Variants in CALM3 observed in about 807,000 individuals in gnomAD.
CALM3 encodes calmodulin 3, also known as calmodulin-3.
In CALM3, 5 loss-of-function variants were observed where a neutral mutation model predicts 20.1. The ratio of observed to expected loss-of-function variants is 0.25; its 90% confidence interval spans 0.13 to 0.52. The LOEUF (loss-of-function observed/expected upper bound fraction) is 0.52, where lower values mean the gene tolerates loss of function less well. Among genes scored for constraint, CALM3 ranks in the 20% least tolerant of loss-of-function variants. CALM3 has a pLI of 0.96. For synonymous variants in CALM3, 69 were observed against 68.1 expected, an observed-to-expected ratio of 1.01 and a Z score of -0.06; for missense variants, 57 against 192.8, an observed-to-expected ratio of 0.30 and a Z score of 4.17.
rs370333318 is a variant in CALM3, at chr19:46,605,810, C to G, written c.4-17C>G. On this transcript the variant is annotated splice_polypyrimidine_tract_variant and intron_variant, in intron 1 of 5. Coordinates refer to ENST00000291295, the MANE Select transcript of CALM3 (RefSeq NM_005184.4). This position sits in a 1 kb window ranked among gnomAD's most constrained non-coding sequence, Gnocchi z 4.1. ...TGTCCGGCCTGGTGACTGACTTTCC[C>G]CTTCATGCTTTTACAGGCTGACCAG... 1.9e-6 allele frequency: 3 copies of G among 1,613,996 alleles called. No individual in the cohort carries two copies. The highest frequency in any genetic ancestry group is 1.7e-5 in the Admixed American group (1 of 60,022).
chr19:46,605,688 C>A lies in CALM3; in HGVS notation c.4-139C>A. The A allele has an allele frequency of 1.3e-6, 1 of 744,608 alleles. No homozygotes were observed. 46.1% of individuals were successfully genotyped at this position (744,608 alleles called of 1,614,324 possible). A position where few individuals can be genotyped will look rare whatever the true frequency, so the allele number is the denominator to read the frequency against. ...GCGCTGGCTCTGCCTCAGACCCTGACTCTGGCATGCTCCTCCCTGGCCCGG... is the reference window on the plus strand; with the variant it reads ...GCGCTGGCTCTGCCTCAGACCCTGAATCTGGCATGCTCCTCCCTGGCCCGG... On this transcript the variant is annotated intron_variant, in intron 1 of 5. Coordinates refer to ENST00000291295, the MANE Select transcript of CALM3 (RefSeq NM_005184.4). The surrounding 1 kb of genome is among the most constrained non-coding windows in gnomAD (Gnocchi z 4.1).
In CALM3 at chr19:46,610,475, A is replaced by ACCCCACC. The variant is rs1287050999; in HGVS notation, c.*1333_*1339dup. The ACCCCACC allele has an allele frequency of 2.0e-4, 5 of 25,624 alleles. No homozygotes were observed. The highest frequency in any genetic ancestry group is 7.7e-4 in the African/African-American group (5 of 6,524). 1.6% of individuals were successfully genotyped at this position (25,624 alleles called of 1,614,324 possible). A position where few individuals can be genotyped will look rare whatever the true frequency, so the allele number is the denominator to read the frequency against. On this transcript the variant is annotated 3_prime_UTR_variant, in exon 6 of 6. Coordinates refer to ENST00000291295, the MANE Select transcript of CALM3 (RefSeq NM_005184.4). ...ATCTGGCTCCCCCCACCACCTCCCC[A>ACCCCACC]CCCCACCCCCCACCCCCTGCTTCCC...
chr19:46,601,262 C>T (rs1599751489), upstream of CALM3: 2 of 387,292 alleles, frequency 5.2e-6, no homozygotes, highest in South Asian at 2.1e-4. This position sits in a 1 kb window ranked among gnomAD's most constrained non-coding sequence, Gnocchi z 4.2. Context: ...CGAGGCGGGG[C>T]GCGCGCGGCG....
At position 46,605,815 on chromosome 19, in the gene CALM3, A is replaced by T. The variant is rs748909624; in HGVS notation, c.4-12A>T. 5.6e-6 allele frequency: 9 copies of T among 1,613,890 alleles called. No homozygotes were observed. The East Asian group carries it at 2.0e-4, about 36-fold the overall frequency. The stretch of plus-strand genomic sequence containing the variant: ...GGCCTGGTGACTGACTTTCCCCTTC[A>T]TGCTTTTACAGGCTGACCAGCTGAC... On this transcript the variant is annotated splice_polypyrimidine_tract_variant and intron_variant, in intron 1 of 5. Transcript: ENST00000291295. The surrounding 1 kb of genome is among the most constrained non-coding windows in gnomAD (Gnocchi z 4.1).
chr19:46,602,169 G>A (rs1480870915), intron 1 of CALM3: 3 of 1,350,478 alleles, frequency 2.2e-6, no homozygotes, highest in Non-Finnish European at 3.0e-6. Context: ...AGGCTTCCGG[G>A]ACGGAGAAGG....
upstream of CALM3, chr19:46,601,183 A>G: frequency 2.3e-6 from 1 of 436,248 alleles, no homozygotes; most frequent in Non-Finnish European, 3.9e-6. The surrounding 1 kb of genome is among the most constrained non-coding windows in gnomAD (Gnocchi z 4.2). Context: ...GTAGGTGTGG[A>G]GCGGGGCGCG....
In CALM3 at chr19:46,602,150, T is replaced by TA. The variant is rs976228132; in HGVS notation, c.3+714dup. ...GTGGGTGGCAGCGGAGATTAGAAGA[T>TA]ACTCTTGAAGGCTTCCGGGACGGAG... On this transcript the variant is annotated intron_variant, in intron 1 of 5. Coordinates refer to ENST00000291295, the MANE Select transcript of CALM3 (RefSeq NM_005184.4). The TA allele has an allele frequency of 1.5e-5, 20 of 1,340,242 alleles. No homozygotes were observed. In the Admixed American group the frequency reaches 2.3e-4, roughly 15 times the overall value. The allele number at this position is 1,340,242 out of a possible 1,614,324, so 83.0% of individuals were successfully genotyped here. A position where few individuals can be genotyped will look rare whatever the true frequency, so the allele number is the denominator to read the frequency against.
In CALM3 at chr19:46,609,186, C is replaced by A; in HGVS notation, c.*33C>A. ...CCGGGCAGCTGGCGATGCCCGTTCTCTTGATCTCTCTCTTCTCGCGCGCGC... is the reference window on the plus strand; with the variant it reads ...CCGGGCAGCTGGCGATGCCCGTTCTATTGATCTCTCTCTTCTCGCGCGCGC... On this transcript the variant is annotated 3_prime_UTR_variant, in exon 6 of 6. Transcript: ENST00000291295. 6.2e-7 allele frequency: 1 copy of A among 1,610,198 alleles called. No homozygotes were observed. The highest frequency in any genetic ancestry group is 8.5e-7 in the Non-Finnish European group (1 of 1,177,236).
rs910629741 is a variant in CALM3, at chr19:46,602,128, G to A, written c.3+691G>A. On this transcript the variant is annotated intron_variant, in intron 1 of 5. Transcript: ENST00000291295. ...CTTATGGGAGGAAGAGCCTGGGGTG[G>A]GTGGCAGCGGAGATTAGAAGATACT... is the stretch of plus-strand genomic sequence containing the variant. 7.6e-6 allele frequency: 10 copies of A among 1,323,696 alleles called. 1 individual carries two copies. The Admixed American group carries it at 2.2e-4, about 29-fold the overall frequency. 82.0% of individuals were successfully genotyped at this position (1,323,696 alleles called of 1,614,324 possible).
In CALM3 at chr19:46,605,860, G is replaced by A. The variant is rs775799940; in HGVS notation, c.34+3G>A. On this transcript the variant is annotated splice_donor_region_variant and intron_variant, in intron 2 of 5. Transcript: ENST00000291295. The surrounding 1 kb of genome is among the most constrained non-coding windows in gnomAD (Gnocchi z 4.1). ...GCTGACTGAGGAGCAGATTGCAGGT[G>A]AGTCTGCTATCCCCCTCATCTTAGC... The A allele has an allele frequency of 6.2e-7, 1 of 1,613,782 alleles. No individual in the cohort carries two copies. The highest frequency in any genetic ancestry group is 1.1e-5 in the South Asian group (1 of 91,082).
In CALM3 at chr19:46,609,467, C is replaced by T; in HGVS notation, c.*314C>T. ...TTGGGGAGCCTCTGCCCTCCTCCAGCCCGGATGGCTCTCCTCCATTTTGGT... is the reference window on the plus strand; with the variant it reads ...TTGGGGAGCCTCTGCCCTCCTCCAGTCCGGATGGCTCTCCTCCATTTTGGT... On this transcript the variant is annotated 3_prime_UTR_variant, in exon 6 of 6. Coordinates refer to ENST00000291295, the MANE Select transcript of CALM3 (RefSeq NM_005184.4). The T allele has an allele frequency of 2.2e-6, 1 of 446,202 alleles. No individual in the cohort carries two copies. The allele number at this position is 446,202 out of a possible 1,614,324, so 27.6% of individuals were successfully genotyped here.
At chr19:46,603,307 C>T (rs1305230714) in intron 1 of CALM3, among the ~76,000 whole-genome samples, 1 of 152,242 alleles carries the variant, frequency 6.6e-6, no homozygotes, top group Non-Finnish European at 1.5e-5. Flanking sequence ...AGAATAGGAC[C>T]CAAGCTTTGG....
chr19:46,604,787 G>A (rs746533480), intron 1 of CALM3, among the ~76,000 whole-genome samples: 1 of 152,180 alleles, frequency 6.6e-6, no homozygotes, highest in Admixed American at 6.5e-5. Flanking sequence ...GACCCACCAT[G>A]GTCCCGGGAT....
chr19:46,608,184 C>G lies in CALM3; in HGVS notation c.35-13C>G, dbSNP rs369539598. The G allele has an allele frequency of 3.5e-5, 56 of 1,612,060 alleles. No homozygotes were observed. The highest frequency in any genetic ancestry group is 3.4e-4 in the Middle Eastern group (2 of 5,902). On this transcript the variant is annotated splice_polypyrimidine_tract_variant and intron_variant, in intron 2 of 5. Coordinates refer to ENST00000291295, the MANE Select transcript of CALM3 (RefSeq NM_005184.4). The surrounding 1 kb of genome is among the most constrained non-coding windows in gnomAD (Gnocchi z 5.5). ...ACCTTGTGACCTCTGACTCCTCCCC[C>G]TTCTTCCCCCAGAGTTCAAGGAGGC...
upstream of CALM3, chr19:46,601,174 T>A: frequency 1.9e-6 from 1 of 522,210 alleles, no homozygotes; most frequent in Non-Finnish European, 3.2e-6. This position sits in a 1 kb window ranked among gnomAD's most constrained non-coding sequence, Gnocchi z 4.2. Context: ...CGCGGGCCCG[T>A]AGGTGTGGAG....
At position 46,608,713 on chromosome 19, in the gene CALM3, C is replaced by T; in HGVS notation, c.285+125C>T. The T allele has an allele frequency of 5.5e-6, 7 of 1,280,490 alleles. No homozygotes were observed. The highest frequency in any genetic ancestry group is 2.5e-5 in the East Asian group (1 of 40,072). The allele number at this position is 1,280,490 out of a possible 1,614,324, so 79.3% of individuals were successfully genotyped here. A position where few individuals can be genotyped will look rare whatever the true frequency, so the allele number is the denominator to read the frequency against. On this transcript the variant is annotated intron_variant, in intron 4 of 5. Transcript: ENST00000291295. The surrounding 1 kb of genome is among the most constrained non-coding windows in gnomAD (Gnocchi z 5.5). ...GTCCCGGTGCCAGCCTCATTGCCAA[C>T]CTGCTCTGCCACCTCAGGCAGCCTC...
Position 46,605,966 on chromosome 19 carries a change from G to T in CALM3, c.34+109G>T. On this transcript the variant is annotated intron_variant, in intron 2 of 5. Coordinates refer to ENST00000291295, the MANE Select transcript of CALM3 (RefSeq NM_005184.4). This position sits in a 1 kb window ranked among gnomAD's most constrained non-coding sequence, Gnocchi z 4.1. Reference sequence around the variant, plus strand: ...ATGGGTGAACCTGTGTATCCCTTGTGTCACCTAACACTATGCCTTGTGCCT... The same window carrying T: ...ATGGGTGAACCTGTGTATCCCTTGTTTCACCTAACACTATGCCTTGTGCCT... The T allele has an allele frequency of 1.0e-6, 1 of 954,984 alleles. No individual in the cohort carries two copies. 59.2% of individuals were successfully genotyped at this position (954,984 alleles called of 1,614,324 possible).
At position 46,601,988 on chromosome 19, in the gene CALM3, A is replaced by T; in HGVS notation, c.3+551A>T. 1.4e-6 allele frequency: 1 copy of T among 697,958 alleles called. No homozygotes were observed. Among genetic ancestry groups the T allele is most frequent in the Non-Finnish European group, 1.9e-6 (1 of 516,396 alleles). The allele number at this position is 697,958 out of a possible 1,614,324, so 43.2% of individuals were successfully genotyped here. On this transcript the variant is annotated intron_variant, in intron 1 of 5. Transcript: ENST00000291295. The surrounding 1 kb of genome is among the most constrained non-coding windows in gnomAD (Gnocchi z 4.2). The stretch of plus-strand genomic sequence containing the variant: ...CCTGGGCTCCTGTGGAGCAGAGGAG[A>T]GGGTCAAGGATGGGCGGTCACTTCT...
chr19:46,605,897 T>C lies in CALM3; in HGVS notation c.34+40T>C. On this transcript the variant is annotated intron_variant, in intron 2 of 5. Transcript: ENST00000291295. The surrounding 1 kb of genome is among the most constrained non-coding windows in gnomAD (Gnocchi z 4.1). ...CCCCTCATCTTAGCTCAGGAAAGCCTCCACATCCCCAGCCAAATCTTAGCC... is the reference window on the plus strand; with the variant it reads ...CCCCTCATCTTAGCTCAGGAAAGCCCCCACATCCCCAGCCAAATCTTAGCC... 6.2e-7 allele frequency: 1 copy of C among 1,603,278 alleles called. No homozygotes were observed.
Sources: allele counts gnomAD v4.1 joint callset (sites outside exome capture counted in the v4.1 genomes callset), GRCh38; gene constraint gnomAD v4.1.1; non-coding constraint Gnocchi (gnomAD v3.1); transcripts MANE v1.5; gene names NCBI Gene and HGNC (gene_info 2026-07-23, HGNC 2026-07-21).